Variants in HSP90AA1 observed in about 807,000 individuals in gnomAD.
HSP90AA1 encodes heat shock protein HSP 90-alpha.
A neutral mutation model predicts 73.3 loss-of-function variants in HSP90AA1; 18 were observed. That is an observed-to-expected ratio of 0.25 (90% CI 0.17 to 0.36). HSP90AA1 has a LOEUF of 0.36. Ranked by LOEUF, HSP90AA1 falls within the 10% of genes least tolerant of loss-of-function variation. HSP90AA1 has a pLI of 1.00. For missense variants in HSP90AA1, 704 were observed against 874.2 expected, an observed-to-expected ratio of 0.81 and a Z score of 2.45; for synonymous variants, 477 against 296.9, an observed-to-expected ratio of 1.61 and a Z score of -6.24.
exon 1 of HSP90AA1, chr14:102,139,506 G>C: frequency 7.8e-7 from 1 of 1,279,924 alleles, no homozygotes; most frequent in South Asian, 1.5e-5. Flanking sequence ...CCTCAGGGCA[G>C]GGCGGGAGAC....
upstream of HSP90AA1, chr14:102,087,106 TC>T: frequency 1.0e-6 from 1 of 983,796 alleles, no homozygotes; most frequent in Non-Finnish European, 1.2e-6. Flanking sequence ...CGGCGCTTTT[TC>T]CAGAAGCCTC....
upstream of HSP90AA1, among the ~76,000 whole-genome samples, chr14:102,090,979 T>G (rs2049350157): frequency 6.6e-6 from 1 of 152,224 alleles, no homozygotes; most frequent in South Asian, 2.1e-4. Flanking sequence ...GGCAAGTCAC[T>G]TACCCTTTCT....
At chr14:102,134,451 C>T (rs1284210434) in intron 1 of HSP90AA1, among the ~76,000 whole-genome samples, 1 of 151,818 alleles carries the variant, frequency 6.6e-6, no homozygotes, top group African/African-American at 2.4e-5. Flanking sequence ...GGTTCTTGGT[C>T]TCACTGACTT....
At chr14:102,085,509 G>A (rs758896869) in intron 3 of HSP90AA1, 78 bp from the exon 4 acceptor site, 4 of 1,409,552 alleles carry the variant, frequency 2.8e-6, no homozygotes, top group Non-Finnish European at 4.0e-6. Context: ...CTTATAACGT[G>A]TCTATAAAGC....
Position 102,084,983 on chromosome 14 carries a change from C to A in HSP90AA1, c.679G>T (p.Asp227Tyr). ...PITLFVEKER[D>Y]KEVSDDEAEE... ...GCCTCATCATCGCTTACTTCTTTAT[C>A]ACGTTCCTTCTCCACCTTCAAAAGA... Residue 227 changes from aspartate to tyrosine, a missense_variant, in exon 5 of 11, where the codon GAT becomes TAT. Physicochemically the swap from Asp to Tyr is radical, Grantham distance 160. Coordinates refer to ENST00000216281, the MANE Select transcript of HSP90AA1 (RefSeq NM_005348.4). 1 of 1,613,238 alleles carries A rather than the reference C, an allele frequency of 6.2e-7. No homozygotes were observed. Among genetic ancestry groups the A allele is most frequent in the Non-Finnish European group, 8.5e-7 (1 of 1,179,304 alleles).
upstream of HSP90AA1, among the ~76,000 whole-genome samples, chr14:102,087,859 A>G (rs926242063): frequency 3.3e-5 from 5 of 150,640 alleles, no homozygotes; most frequent in Middle Eastern, 3.5e-3. Context: ...TGAAAAGCCC[A>G]TCGTTTTGCC....
rs777413951 is a variant in HSP90AA1, at chr14:102,083,622, A to T, written c.1410T>A (p.Ser470=). ...CCTTGAGAGAAACCATCTCATCACC[A>T]GAGGCAGATGTGTAGTACCTTAACA... The part of the protein sequence containing the change: ...SELLRYYTSA[S]GDEMVSLKDY... The change falls in exon 8 of 11, where the codon TCT becomes TCA. Residue 470 remains serine, a synonymous_variant. Transcript: ENST00000216281. 6.2e-7 allele frequency: 1 copy of T among 1,612,852 alleles called. No homozygotes were observed.
chr14:102,083,407 G>A (rs2049142473), intron 8 of HSP90AA1, 105 bp from the exon 9 acceptor site: 5 of 1,440,806 alleles, frequency 3.5e-6, no homozygotes, highest in Middle Eastern at 1.7e-4. Context: ...ACCTAAGACA[G>A]AAAATGACCT....
At chr14:102,093,822 G>T (rs1211764024) in intron 2 of HSP90AA1, among the ~76,000 whole-genome samples, 3 of 151,594 alleles carry the variant, frequency 2.0e-5, no homozygotes, top group Non-Finnish European at 4.4e-5. Flanking sequence ...AAAATACAAA[G>T]AATTAGCCAG....
rs2049158080 is a variant in HSP90AA1 at position 102,083,978 on chromosome 14, T to C, written c.1153A>G (p.Ile385Val). 4 of 1,613,266 alleles carry C rather than the reference T, an allele frequency of 2.5e-6. No individual in the cohort carries two copies. In the East Asian group the frequency reaches 6.7e-5, roughly 27 times the overall value. ...TCCTCCGAGTCTACCACCCCTCTAA[T>C]GAAGTCTGAAAAAAATATAAACCAA... Reference protein sequence around the residue: ...EELIPEYLNFIRGVVDSEDLP... With the variant: ...EELIPEYLNFVRGVVDSEDLP... The change falls in exon 7 of 11, where the codon ATT becomes GTT. Residue 385 changes from isoleucine to valine, a missense_variant. Transcript: ENST00000216281.
At chr14:102,133,877 G>A (rs1176390660) in intron 1 of HSP90AA1, among the ~76,000 whole-genome samples, 1 of 152,158 alleles carries the variant, frequency 6.6e-6, no homozygotes. Context: ...GATGACAGCA[G>A]GTTGGGCATG....
At chr14:102,134,671 G>A (rs1034218752) in intron 1 of HSP90AA1, among the ~76,000 whole-genome samples, 2 of 152,128 alleles carry the variant, frequency 1.3e-5, no homozygotes, top group Non-Finnish European at 2.9e-5. Flanking sequence ...GTTCCTCCCG[G>A]TGGGCTCGTG....
chr14:102,102,018 A>C (rs374711937), exon 2 of HSP90AA1: 28 of 1,614,030 alleles, frequency 1.7e-5, no homozygotes, highest in Non-Finnish European at 2.4e-5. Flanking sequence ...AGAGTGGTGG[A>C]TCCAGACACC....
intron 1 of HSP90AA1, among the ~76,000 whole-genome samples, chr14:102,129,854 C>G (rs1182353875): frequency 6.6e-6 from 1 of 152,000 alleles, no homozygotes; most frequent in Non-Finnish European, 1.5e-5. Flanking sequence ...ATGGATATAC[C>G]ACATTTTGTT....
intron 6 of HSP90AA1, 179 bp from the exon 7 acceptor site, chr14:102,084,162 CG>C (rs35503105): frequency 4.5e-5 from 31 of 694,876 alleles, no homozygotes; most frequent in Non-Finnish European, 6.7e-5. Context: ...CTCTGCCTCC[CG>C]GGGGGGTTCA....
chr14:102,084,031 C>T (rs377693947), intron 6 of HSP90AA1, 48 bp from the exon 7 acceptor site: 4 of 1,390,450 alleles, frequency 2.9e-6, no homozygotes, highest in Non-Finnish European at 4.1e-6. Flanking sequence ...AAGGACAAAA[C>T]TGGTACTATG....
chr14:102,083,169 A>G lies in HSP90AA1; in HGVS notation c.1620T>C (p.Thr540=). The change falls in exon 9 of 11, where the codon ACT becomes ACC. Residue 540 remains threonine (T), a synonymous_variant. Transcript: ENST00000216281. ...VQQLKEFEGK[T]LVSVTKEGLE... ...GGCCTTCTTTGGTGACTGACACTAAAGTCTTCCCCTCAAATTCCTTCAGCT... is the reference window on the plus strand; with the variant it reads ...GGCCTTCTTTGGTGACTGACACTAAGGTCTTCCCCTCAAATTCCTTCAGCT... 6.2e-7 allele frequency: 1 copy of G among 1,613,976 alleles called. No homozygotes were observed.
At chr14:102,088,945 C>T (rs887365388), upstream of HSP90AA1, among the ~76,000 whole-genome samples, 3 of 150,298 alleles carry the variant, frequency 2.0e-5, no homozygotes, top group South Asian at 6.3e-4. Flanking sequence ...CACTCTTGGT[C>T]CCCCAGGCTC....
At chr14:102,102,232 A>C (rs961863571) in intron 1 of HSP90AA1, 30 of 725,944 alleles carry the variant, frequency 4.1e-5, no homozygotes, top group Non-Finnish European at 6.6e-5. Flanking sequence ...AAAATATGTG[A>C]TATGTTCTCT....
Sources: allele counts gnomAD v4.1 joint callset (sites outside exome capture counted in the v4.1 genomes callset), GRCh38; gene constraint gnomAD v4.1.1; transcripts MANE v1.5; gene names NCBI Gene and HGNC (gene_info 2026-07-23, HGNC 2026-07-21).